Variants in DCST1 observed in about 807,000 individuals in gnomAD.
The protein encoded by DCST1 is E3 ubiquitin-protein ligase DCST1.
DCST1 carries 78 observed loss-of-function variants against 89.1 expected under a neutral mutation model. The observed-to-expected ratio is 0.88, with a 90% CI of 0.73 to 1.06. The LOEUF (loss-of-function observed/expected upper bound fraction) is 1.06, where lower values mean the gene tolerates loss of function less well. Among genes scored for constraint, DCST1 ranks in the 50% least tolerant of loss-of-function variants. DCST1 has a pLI of 0.00. For synonymous variants in DCST1, 364 were observed against 371.9 expected, an observed-to-expected ratio of 0.98 and a Z score of 0.24; for missense variants, 900 against 928.6, an observed-to-expected ratio of 0.97 and a Z score of 0.40.
intron 16 of DCST1, among the ~76,000 whole-genome samples, chr1:155,048,645 T>C (rs1378230505): frequency 1.3e-5 from 2 of 152,230 alleles, no homozygotes; most frequent in East Asian, 3.9e-4. Flanking sequence ...GCCCCAGCCA[T>C]CCAGCTCCTA....
intron 8 of DCST1, among the ~76,000 whole-genome samples, 156 bp from the exon 9 acceptor site, chr1:155,042,579 A>G (rs1660468476): frequency 6.6e-6 from 1 of 152,132 alleles, no homozygotes; most frequent in Non-Finnish European, 1.5e-5. Context: ...ATCCAAAGAG[A>G]GCAGAGAGGG....
rs527925715 is a variant in DCST1 at position 155,035,119 on chromosome 1, A to G, written c.262+392A>G. 8.6e-5 allele frequency: 18 copies of G among 210,218 alleles called. No individual in the cohort carries two copies. The East Asian group carries it at 2.1e-3, about 25-fold the overall frequency. The allele number at this position is 210,218 out of a possible 1,614,324, so 13.0% of individuals were successfully genotyped here. ...ATCTGCTGAGGATTTAGCAGTAAAC[A>G]AGGATGACAAGCATCCAGCCGTTTT... On this transcript the variant is annotated intron_variant, in intron 4 of 16. Coordinates refer to ENST00000295542, the MANE Select transcript of DCST1 (RefSeq NM_152494.4).
Position 155,050,659 on chromosome 1 carries a change from C to G in DCST1, c.1912C>G (p.Leu638Val). The change falls in exon 17 of 17, where the codon CTG becomes GTG. Residue 638 changes from leucine to valine, a missense_variant. Leu to Val is a conservative substitution (Grantham distance 32). Transcript: ENST00000295542. ...ADILHRGCPLLRRWLCRRCVV... is the reference protein window; with the variant it reads ...ADILHRGCPLVRRWLCRRCVV... ...TATCCTGCACCGCGGCTGCCCGCTC[C>G]TGCGCCGCTGGCTGTGCCGGCGCTG... 6.3e-7 allele frequency: 1 copy of G among 1,599,972 alleles called. No homozygotes were observed. The highest frequency in any genetic ancestry group is 8.5e-7 in the Non-Finnish European group (1 of 1,176,094).
chr1:155,041,489 G>A lies in DCST1; in HGVS notation c.624G>A (p.Thr208=), dbSNP rs111387318. 2,199 of 1,614,074 alleles carry A rather than the reference G, an allele frequency of 1.4e-3. 32 individuals are homozygous for A. The African/African-American group carries it at 0.026, about 19-fold the overall frequency. ...AGGTGAATAGTGAGACGGGCTACAC[G>A]CCTGAGGATACCATGGACTCAGGGG... ...DAQVNSETGY[T]PEDTMDSGET... The change falls in exon 7 of 17, where the codon ACG becomes ACA. Residue 208 remains threonine, a synonymous_variant. Transcript: ENST00000295542.
At chr1:155,050,467 C>A in intron 16 of DCST1, 150 bp from the exon 17 acceptor site, 2 of 1,083,950 alleles carry the variant, frequency 1.8e-6, no homozygotes, top group South Asian at 3.3e-5. Flanking sequence ...GGGAGGCACC[C>A]TCGCCCTCCA....
chr1:155,033,974 C>T lies in DCST1; in HGVS notation c.-63C>T, dbSNP rs74520550. On this transcript the variant is annotated splice_region_variant and 5_prime_UTR_variant, in exon 2 of 17. Coordinates refer to ENST00000295542, the MANE Select transcript of DCST1 (RefSeq NM_152494.4). Reference sequence around the variant, plus strand: ...CAGCACCTCTCTTCTCTCACCAGAACCTTGTGTCCAAGGAGGTCCTTCAGG... The same window carrying T: ...CAGCACCTCTCTTCTCTCACCAGAATCTTGTGTCCAAGGAGGTCCTTCAGG... The T allele has an allele frequency of 6.3e-7, 1 of 1,595,270 alleles. No homozygotes were observed.
In DCST1 at chr1:155,047,860, G is replaced by A; in HGVS notation, c.1686G>A (p.Val562=). The A allele has an allele frequency of 6.2e-7, 1 of 1,614,192 alleles. No homozygotes were observed. The part of the protein sequence containing the change: ...WRAAVPIGLL[V]CLCLLQAFGY... ...CTGCAGTACCGATTGGCCTGTTAGTGTGTCTCTGCCTGTTACAGGCTTTTG... is the reference window on the plus strand; with the variant it reads ...CTGCAGTACCGATTGGCCTGTTAGTATGTCTCTGCCTGTTACAGGCTTTTG... The change falls in exon 15 of 17, where the codon GTG becomes GTA. Residue 562 remains valine, a synonymous_variant. Coordinates refer to ENST00000295542, the MANE Select transcript of DCST1 (RefSeq NM_152494.4).
At chr1:155,035,659 A>G (rs898715459) in intron 4 of DCST1, among the ~76,000 whole-genome samples, 9 of 152,044 alleles carry the variant, frequency 5.9e-5, no homozygotes, top group African/African-American at 2.2e-4. Flanking sequence ...GCCAGGCACA[A>G]TGGCTCACGC....
At chr1:155,045,148 G>A (rs1399993240) in intron 10 of DCST1, 1 of 152,306 alleles carries the variant, frequency 6.6e-6, no homozygotes, top group Non-Finnish European at 1.5e-5. Context: ...GCAAAGATGT[G>A]GATTTTTACA....
chr1:155,041,289 CTGGGGTGAGAACCCAAAGCT>C, intron 6 of DCST1, 88 bp from the exon 7 acceptor site: 1 of 1,160,794 alleles, frequency 8.6e-7, no homozygotes. Context: ...CCCTGTCGGC[CTGGGGTGAGAACCCAAAGCT>C]TGGCTACTGG....
intron 10 of DCST1, among the ~76,000 whole-genome samples, chr1:155,044,649 G>A (rs779697294): frequency 2.6e-5 from 4 of 152,222 alleles, no homozygotes; most frequent in Admixed American, 1.3e-4. Flanking sequence ...GGCCGCAGAT[G>A]CGGAACGGTG....
At position 155,036,500 on chromosome 1, in the gene DCST1, C is replaced by G. The variant is rs143271450; in HGVS notation, c.262+1773C>G. On this transcript the variant is annotated intron_variant, in intron 4 of 16. Transcript: ENST00000295542. ...CTTATCTTGCCCTCCCCATCCCTTG[C>G]GCCCCCAGCTCAGGCCTGCTCCCTA... is the stretch of plus-strand genomic sequence containing the variant. Among the ~76,000 whole-genome samples the G allele has an allele frequency of 9.6e-4, 146 of 152,346 alleles. 1 individual carries two copies. Among genetic ancestry groups the G allele is most frequent in the African/African-American group, 3.3e-3 (139 of 41,578 alleles).
At chr1:155,043,309 C>A (rs749610299) in intron 9 of DCST1, 43 bp from the exon 10 acceptor site, 4 of 1,613,106 alleles carry the variant, frequency 2.5e-6, no homozygotes, top group Admixed American at 1.7e-5. Context: ...CCAGGTCTGA[C>A]GAGGTGGCCG....
At chr1:155,047,379 A>G (rs1571570425) in intron 14 of DCST1, 67 bp downstream of exon 14, 4 of 1,423,532 alleles carry the variant, frequency 2.8e-6, no homozygotes, top group Non-Finnish European at 2.9e-6. Context: ...AAAGACTCCA[A>G]GGTAAAGAGT....
At chr1:155,049,006 CCT>C (rs1457446920) in intron 16 of DCST1, 7 of 716,920 alleles carry the variant, frequency 9.8e-6, no homozygotes, top group Non-Finnish European at 1.8e-5. Context: ...CTTCACTGAG[CCT>C]CAGTTTCTCC....
intron 4 of DCST1, among the ~76,000 whole-genome samples, chr1:155,037,772 T>C (rs1660318629): frequency 6.6e-6 from 1 of 152,160 alleles, no homozygotes; most frequent in African/African-American, 2.4e-5. Flanking sequence ...TGGGGTGGGA[T>C]AGAGGAGTGA....
chr1:155,047,872 G>A lies in DCST1; in HGVS notation c.1698G>A (p.Leu566=). 8 of 1,614,160 alleles carry A rather than the reference G, an allele frequency of 5.0e-6. No individual in the cohort carries two copies. The highest frequency in any genetic ancestry group is 1.1e-5 in the South Asian group (1 of 91,084). ...VPIGLLVCLC[L]LQAFGYRLRR... The stretch of plus-strand genomic sequence containing the variant: ...TTGGCCTGTTAGTGTGTCTCTGCCT[G>A]TTACAGGCTTTTGGCTACCGACTCC... Residue 566 remains leucine (L), a synonymous_variant, in exon 15 of 17, where the codon CTG becomes CTA. Transcript: ENST00000295542.
chr1:155,047,994 T>A (rs1484853747), intron 15 of DCST1, 63 bp from the exon 16 acceptor site: 3 of 1,611,764 alleles, frequency 1.9e-6, no homozygotes, highest in Non-Finnish European at 2.5e-6. Flanking sequence ...ACCACCCAGC[T>A]CCCTACCAAC....
chr1:155,042,997 A>C, intron 9 of DCST1, 141 bp downstream of exon 9: 634 of 673,054 alleles, frequency 9.4e-4, no homozygotes, highest in Non-Finnish European at 1.3e-3. Context: ...AGGAGGGGGA[A>C]TGTCGCTGGT....
Sources: allele counts gnomAD v4.1 joint callset (sites outside exome capture counted in the v4.1 genomes callset), GRCh38; gene constraint gnomAD v4.1.1; transcripts MANE v1.5; gene names NCBI Gene and HGNC (gene_info 2026-07-23, HGNC 2026-07-21).